ZNG1A: variants seen among roughly 807,000 people sequenced by gnomAD.
The protein encoded by ZNG1A is zinc-regulated GTPase metalloprotein activator 1A.
At chr9:122,020 T>G in the ZNG1A span, 1 of 1,611,192 alleles carries the variant, frequency 6.2e-7, no homozygotes, top group African/African-American at 1.3e-5. Flanking sequence ...TGGAGTCTCC[T>G]CCAGATCATA....
the ZNG1A span, among the ~76,000 whole-genome samples, chr9:158,958 C>G: frequency 0.17 from 26,121 of 152,012 alleles, 2,571 homozygotes; most frequent in East Asian, 0.4. Context: ...TCAATGTCTT[C>G]TATTCAAAAG....
chr9:160,105 T>C, the ZNG1A span: 1 of 454,728 alleles, frequency 2.2e-6, no homozygotes, highest in Non-Finnish European at 4.4e-6. Context: ...GTCCTCAGAA[T>C]AGAGAGCTGT....
the ZNG1A span, among the ~76,000 whole-genome samples, chr9:128,805 G>C: frequency 2.0e-4 from 30 of 150,590 alleles, 1 homozygote; most frequent in Middle Eastern, 3.4e-3. Context: ...ATTTGGGTAG[G>C]CTCTGTCAGA....
chr9:169,929 A>G, the ZNG1A span, among the ~76,000 whole-genome samples: 1 of 126,078 alleles, frequency 7.9e-6, no homozygotes, highest in Non-Finnish European at 1.6e-5. Context: ...CAGTGGTGCA[A>G]TCATGACTCA....
At chr9:177,882 T>C in the ZNG1A span, 1 of 1,489,560 alleles carries the variant, frequency 6.7e-7, no homozygotes, top group Non-Finnish European at 9.0e-7. Context: ...AAAACGGGAA[T>C]AAACTTACAG....
chr9:127,498 T>C, the ZNG1A span, among the ~76,000 whole-genome samples: 1 of 152,214 alleles, frequency 6.6e-6, no homozygotes, highest in African/African-American at 2.4e-5. Context: ...GAATGGCTAC[T>C]CCTGCTCACA....
At chr9:121,495 C>G in the ZNG1A span, 9 of 1,611,524 alleles carry the variant, frequency 5.6e-6, no homozygotes, top group Admixed American at 1.7e-5. Context: ...TTCTTGGAAA[C>G]GTGTTGTCCA....
chr9:176,177 T>C, the ZNG1A span, among the ~76,000 whole-genome samples: 1 of 137,468 alleles, frequency 7.3e-6, no homozygotes, highest in South Asian at 2.5e-4. Context: ...AAATGGGGAA[T>C]AGAGCCAGGT....
the ZNG1A span, among the ~76,000 whole-genome samples, chr9:145,587 T>A: frequency 6.7e-6 from 1 of 148,496 alleles, no homozygotes; most frequent in Non-Finnish European, 1.5e-5. Context: ...TTGGGAGATA[T>A]AACTAATGCT....
the ZNG1A span, among the ~76,000 whole-genome samples, chr9:139,518 T>C: frequency 2.0e-5 from 3 of 151,218 alleles, no homozygotes; most frequent in Admixed American, 1.3e-4. Context: ...TCATGTTAGA[T>C]GTTCTTACTA....
the ZNG1A span, chr9:156,665 C>G: frequency 1.1e-6 from 1 of 901,922 alleles, no homozygotes; most frequent in Non-Finnish European, 1.6e-6. Flanking sequence ...TACATAAATC[C>G]AAAACTAACT....
chr9:178,418 C>T, the ZNG1A span, among the ~76,000 whole-genome samples: 1 of 145,880 alleles, frequency 6.9e-6, no homozygotes, highest in East Asian at 2.0e-4. Flanking sequence ...GACGGGACAT[C>T]CTTTAATGGC....
the ZNG1A span, chr9:172,187 A>G: frequency 6.2e-7 from 1 of 1,610,170 alleles, no homozygotes; most frequent in African/African-American, 1.3e-5. Flanking sequence ...AGAATACCAA[A>G]ACATAATTTA....
At chr9:178,985 G>C in the ZNG1A span, 19 of 1,087,542 alleles carry the variant, frequency 1.7e-5, 5 homozygotes, top group South Asian at 5.6e-5. Flanking sequence ...CCTACAGCAC[G>C]TCCCTACCTC....
chr9:160,422 C>A, the ZNG1A span, among the ~76,000 whole-genome samples: 1 of 152,066 alleles, frequency 6.6e-6, no homozygotes, highest in African/African-American at 2.4e-5. Flanking sequence ...TTGGAAAATT[C>A]TTTATATCAA....
At chr9:125,220 A>G in the ZNG1A span, among the ~76,000 whole-genome samples, 1 of 150,742 alleles carries the variant, frequency 6.6e-6, no homozygotes, top group Non-Finnish European at 1.5e-5. Context: ...AACATCTACT[A>G]TTTTTTTGAT....
At chr9:148,030 A>G in the ZNG1A span, 4 of 148,710 alleles carry the variant, frequency 2.7e-5, no homozygotes, top group African/African-American at 1.0e-4. Context: ...GTCTCAAACC[A>G]GAGTGAGATT....
the ZNG1A span, among the ~76,000 whole-genome samples, chr9:138,822 T>G: frequency 1.3e-5 from 2 of 149,784 alleles, no homozygotes; most frequent in African/African-American, 2.5e-5. Context: ...GAGGATCACT[T>G]GAGCCCAGGA....
chr9:163,242 T>C, the ZNG1A span, among the ~76,000 whole-genome samples: 3 of 152,012 alleles, frequency 2.0e-5, no homozygotes, highest in Non-Finnish European at 4.4e-5. Flanking sequence ...AGGCATATCA[T>C]TGCCCAAAAG....
Sources: allele counts gnomAD v4.1 joint callset (sites outside exome capture counted in the v4.1 genomes callset), GRCh38; gene constraint gnomAD v4.1.1; transcripts MANE v1.5; gene names NCBI Gene and HGNC (gene_info 2026-07-23, HGNC 2026-07-21).